Variants in DGLUCY observed in about 807,000 individuals in gnomAD.
DGLUCY encodes D-glutamate cyclase, also known as D-glutamate cyclase, mitochondrial.
A neutral mutation model predicts 58.5 loss-of-function variants in DGLUCY; 58 were observed. The observed-to-expected ratio is 0.99, with a 90% CI of 0.80 to 1.23. DGLUCY has a LOEUF of 1.23. Ranked by LOEUF, DGLUCY falls within the 50% of genes most tolerant of loss-of-function variation. DGLUCY has a pLI of 0.00. For synonymous variants in DGLUCY, 325 were observed against 314.1 expected, an observed-to-expected ratio of 1.03 and a Z score of -0.37; for missense variants, 779 against 784.7, an observed-to-expected ratio of 0.99 and a Z score of 0.09.
chr14:91,185,072 G>A (rs1230099113), intron 8 of DGLUCY, among the ~76,000 whole-genome samples: 5 of 151,710 alleles, frequency 3.3e-5, no homozygotes, highest in African/African-American at 9.7e-5. Flanking sequence ...GGTTCAAGCA[G>A]TTCTTGTGCC....
chr14:91,184,859 A>G (rs911863268), intron 8 of DGLUCY, among the ~76,000 whole-genome samples: 1 of 152,204 alleles, frequency 6.6e-6, no homozygotes, highest in Admixed American at 6.5e-5. Context: ...TTTCCTTTAC[A>G]TATAATCCTA....
chr14:91,069,649 T>C (rs1685969365), intron 1 of DGLUCY, among the ~76,000 whole-genome samples: 2 of 151,990 alleles, frequency 1.3e-5, no homozygotes, highest in African/African-American at 4.8e-5. Context: ...TTCCTTCTTT[T>C]TTTTTAAGAA....
rs954310770 is a variant in DGLUCY, at chr14:91,174,599, C to G, written c.607+1160C>G. Among the ~76,000 whole-genome samples the G allele has an allele frequency of 4.3e-4, 65 of 152,168 alleles. 2 individuals are homozygous for G. Among genetic ancestry groups the G allele is most frequent in the Non-Finnish European group, 5.9e-5 (4 of 68,036 alleles). ...GGGATTACAGGTATGAGCCACCGCACCCGGTCTGCAATATTTTTTATGATA... is the reference window on the plus strand; with the variant it reads ...GGGATTACAGGTATGAGCCACCGCAGCCGGTCTGCAATATTTTTTATGATA... On this transcript the variant is annotated intron_variant, in intron 6 of 13. Transcript: ENST00000256324.
At chr14:91,098,902 A>G (rs757580303) in intron 1 of DGLUCY, among the ~76,000 whole-genome samples, 2 of 152,272 alleles carry the variant, frequency 1.3e-5, no homozygotes, top group African/African-American at 2.4e-5. Context: ...ATAGGCTCCT[A>G]TAAATATTGG....
chr14:91,113,347 AG>A (rs543543493), upstream of DGLUCY, among the ~76,000 whole-genome samples: 101 of 152,288 alleles, frequency 6.6e-4, no homozygotes, highest in African/African-American at 2.3e-3. Context: ...CGACTGCACG[AG>A]GTTCAGTGCT....
chr14:91,116,570 G>A (rs536117354), intron 1 of DGLUCY, among the ~76,000 whole-genome samples: 2 of 152,310 alleles, frequency 1.3e-5, no homozygotes, highest in Non-Finnish European at 2.9e-5. Flanking sequence ...ACCAGACCCC[G>A]AGAGTGTTCT....
intron 1 of DGLUCY, among the ~76,000 whole-genome samples, chr14:91,131,773 C>G (rs2140202225): frequency 6.6e-6 from 1 of 152,264 alleles, no homozygotes; most frequent in Admixed American, 6.5e-5. Flanking sequence ...ATTTTTGTTA[C>G]TGATAATTAG....
exon 1 of DGLUCY, chr14:91,060,498 GT>G (rs2140001808): frequency 7.8e-7 from 1 of 1,282,306 alleles, no homozygotes; most frequent in African/African-American, 1.5e-5. Flanking sequence ...GCGGACGCCC[GT>G]CCCCTCGCAG....
upstream of DGLUCY, among the ~76,000 whole-genome samples, chr14:91,103,825 C>T (rs578258636): frequency 1.6e-3 from 246 of 152,014 alleles, 1 homozygote; most frequent in Middle Eastern, 3.4e-3. Flanking sequence ...CACACACACA[C>T]ACATATATAT....
intron 1 of DGLUCY, among the ~76,000 whole-genome samples, chr14:91,157,020 T>A (rs979875623): frequency 2.0e-5 from 3 of 152,156 alleles, no homozygotes; most frequent in Non-Finnish European, 4.4e-5. Flanking sequence ...AATGGATGAA[T>A]GGCTGGGTGA....
chr14:91,074,281 C>A (rs144191470), intron 1 of DGLUCY, among the ~76,000 whole-genome samples: 1 of 122,962 alleles, frequency 8.1e-6, no homozygotes, highest in South Asian at 2.6e-4. Context: ...GGCAACTGAG[C>A]GATACCCTGT....
At chr14:91,112,032 G>A (rs2044710977), upstream of DGLUCY, among the ~76,000 whole-genome samples, 1 of 151,844 alleles carries the variant, frequency 6.6e-6, no homozygotes, top group Non-Finnish European at 1.5e-5. Context: ...GAGGTCGGGA[G>A]TTCGAGACCA....
At chr14:91,084,564 A>G (rs1445171018) in intron 1 of DGLUCY, among the ~76,000 whole-genome samples, 1 of 152,008 alleles carries the variant, frequency 6.6e-6, no homozygotes, top group African/African-American at 2.4e-5. Context: ...ACTAACGTTC[A>G]AGCCCTAAAG....
intron 3 of DGLUCY, among the ~76,000 whole-genome samples, chr14:91,162,230 T>C (rs551756986): frequency 6.6e-6 from 1 of 152,200 alleles, no homozygotes; most frequent in South Asian, 2.1e-4. Context: ...AGCTTGGAGC[T>C]GTCTTCTGGG....
chr14:91,174,027 C>T (rs1226415430), intron 6 of DGLUCY, among the ~76,000 whole-genome samples: 2 of 151,928 alleles, frequency 1.3e-5, no homozygotes, highest in African/African-American at 4.8e-5. Context: ...ACTTTCAGCT[C>T]CACCCCTCCC....
At chr14:91,168,988 G>A (rs920127460) in intron 4 of DGLUCY, among the ~76,000 whole-genome samples, 1 of 152,100 alleles carries the variant, frequency 6.6e-6, no homozygotes, top group Admixed American at 6.5e-5. Context: ...TTGGGAGGCT[G>A]AGGTGGGAGA....
At chr14:91,124,612 A>G (rs11627189) in intron 1 of DGLUCY, among the ~76,000 whole-genome samples, 5,113 of 152,214 alleles carry the variant, frequency 0.034, 131 homozygotes, top group Middle Eastern at 0.065. Context: ...GTTGTAACTC[A>G]CTCTGATTCT....
At chr14:91,073,571 GTGA>G (rs2043958726) in intron 1 of DGLUCY, among the ~76,000 whole-genome samples, 1 of 152,162 alleles carries the variant, frequency 6.6e-6, no homozygotes, top group Admixed American at 6.5e-5. Context: ...CTGACCTCAA[GTGA>G]TCCATCCCCG....
intron 1 of DGLUCY, among the ~76,000 whole-genome samples, chr14:91,085,714 C>G (rs180855765): frequency 6.6e-6 from 1 of 152,234 alleles, no homozygotes; most frequent in Admixed American, 6.5e-5. Flanking sequence ...GGATCACAGG[C>G]GTGCACCACC....
Sources: gnomAD v4.1 joint callset for allele counts (sites outside exome capture counted in the v4.1 genomes callset) on GRCh38, gnomAD v4.1.1 for gene constraint, MANE v1.5 for transcripts, NCBI Gene and HGNC (gene_info 2026-07-23, HGNC 2026-07-21) for gene names.